SULT1C2: variants seen among roughly 807,000 people sequenced by gnomAD.
The protein encoded by SULT1C2 is sulfotransferase 1C2.
Under a neutral mutation model 36.0 loss-of-function variants are expected in SULT1C2, and 27 were observed. That is an observed-to-expected ratio of 0.75 (90% CI 0.55 to 1.03). The LOEUF is 1.03. SULT1C2 is among the 50% of genes least tolerant of loss of function. The pLI is 0.00. For missense variants in SULT1C2, 395 were observed against 359.2 expected (o/e 1.10, Z -0.80); for synonymous variants, 121 against 116.0 (o/e 1.04, Z -0.27).
rs1677114574 is a variant in SULT1C2, at chr2:108,309,901, T to A, written c.*1437T>A. ...TTTTTATTATGTAAATAAATAAAAG[T>A]TATCTGTATCCCCACTGCATTGTAA... On this transcript the variant is annotated 3_prime_UTR_variant, in exon 8 of 8. Coordinates refer to ENST00000251481, the MANE Select transcript of SULT1C2 (RefSeq NM_001056.4). 3 of 152,226 alleles carry A rather than the reference T, an allele frequency of 2.0e-5. No homozygotes were observed. The highest frequency in any genetic ancestry group is 4.4e-5 in the Non-Finnish European group (3 of 68,042). 9.4% of individuals were successfully genotyped at this position (152,226 alleles called of 1,614,324 possible).
rs1183832737 is a variant in SULT1C2, at chr2:108,309,547, A to G, written c.*1083A>G. On this transcript the variant is annotated 3_prime_UTR_variant, in exon 8 of 8. Coordinates refer to ENST00000251481, the MANE Select transcript of SULT1C2 (RefSeq NM_001056.4). ...TTCCATAGCTGAGGGTAGTAGGAGC[A>G]GTTCACCCTGGGAGCAGACAATAAG... is the stretch of plus-strand genomic sequence containing the variant. 2 of 152,208 alleles carry G rather than the reference A, an allele frequency of 1.3e-5. No homozygotes were observed. The highest frequency in any genetic ancestry group is 3.8e-4 in the East Asian group (2 of 5,196). 9.4% of individuals were successfully genotyped at this position (152,208 alleles called of 1,614,324 possible). A position where few individuals can be genotyped will look rare whatever the true frequency, so the allele number is the denominator to read the frequency against.
intron 3 of SULT1C2, among the ~76,000 whole-genome samples, chr2:108,295,079 T>A (rs1676690370): frequency 6.6e-6 from 1 of 152,194 alleles, no homozygotes; most frequent in African/African-American, 2.4e-5. Flanking sequence ...AGCTCTAGCA[T>A]GAAGTCTAGA....
rs1455921304 is a variant in SULT1C2 at position 108,308,382 on chromosome 2, C to T, written c.809C>T (p.Thr270Ile). The T allele has an allele frequency of 3.1e-6, 5 of 1,613,068 alleles. No homozygotes were observed. The Middle Eastern group carries it at 6.6e-4, about 213-fold the overall frequency. Residue 270 changes from threonine to isoleucine, a missense_variant, in exon 8 of 8, where the codon ACT becomes ATT. By Grantham distance (89) the Thr-to-Ile change is moderately conservative. Transcript: ENST00000251481. ...GTGGGGGATTGGAAAAACCACTTCA[C>T]TGTTGCCCAGAATGAGAGGTTTGAT... ...GTVGDWKNHF[T>I]VAQNERFDEI...
chr2:108,297,300 C>T (rs1295387852), intron 3 of SULT1C2, among the ~76,000 whole-genome samples: 1 of 152,104 alleles, frequency 6.6e-6, no homozygotes, highest in Non-Finnish European at 1.5e-5. Flanking sequence ...GGAGGTGACA[C>T]CTGAAATGAT....
intron 7 of SULT1C2, among the ~76,000 whole-genome samples, chr2:108,307,151 A>G (rs1157680653): frequency 6.6e-6 from 1 of 152,242 alleles, no homozygotes; most frequent in Admixed American, 6.5e-5. Flanking sequence ...AATCTACAAC[A>G]GTATTCCATA....
intron 1 of SULT1C2, among the ~76,000 whole-genome samples, chr2:108,290,672 C>T (rs751057182): frequency 9.2e-5 from 14 of 152,092 alleles, no homozygotes; most frequent in Non-Finnish European, 1.6e-4. Context: ...ATAAAGGGAC[C>T]AAACTCACCC....
intron 4 of SULT1C2, chr2:108,302,102 A>G (rs1676892531): frequency 6.6e-6 from 1 of 152,236 alleles, no homozygotes; most frequent in African/African-American, 2.4e-5. Flanking sequence ...ACTGAGATCA[A>G]AATAAAGTCC....
At position 108,293,811 on chromosome 2, in the gene SULT1C2, T is replaced by C; in HGVS notation, c.144T>C (p.Pro48=). Residue 48 remains proline (P), a synonymous_variant, in exon 2 of 8, where the codon CCT becomes CCC. Coordinates refer to ENST00000251481, the MANE Select transcript of SULT1C2 (RefSeq NM_001056.4). ...KPDDLLICTY[P]KAGTTWIQEI... ...ATGATCTCCTCATCTGCACCTACCC[T>C]AAAGCAGGTGATTGCAGGGTAGGAG... The C allele has an allele frequency of 1.9e-6, 3 of 1,613,724 alleles. No homozygotes were observed. Among genetic ancestry groups the C allele is most frequent in the Non-Finnish European group, 2.5e-6 (3 of 1,179,880 alleles).
chr2:108,290,326 A>G (rs1203789441), intron 1 of SULT1C2, among the ~76,000 whole-genome samples: 1 of 152,182 alleles, frequency 6.6e-6, no homozygotes, highest in Non-Finnish European at 1.5e-5. Context: ...AGATTGGAAT[A>G]GGTCTCATCC....
At position 108,294,385 on chromosome 2, in the gene SULT1C2, GCTTT is replaced by G. The variant is rs762668705; in HGVS notation, c.277+37_277+40del. The G allele has an allele frequency of 2.0e-5, 32 of 1,591,782 alleles. No individual in the cohort carries two copies. In the East Asian group the frequency reaches 7.2e-4, roughly 36 times the overall value. ...AGCACCTCCCTCTTTCTCTCTTCCT[GCTTT>G]CTTTCCCTCTCTCTTCTGTTTTCCC... On this transcript the variant is annotated intron_variant, in intron 3 of 7. Transcript: ENST00000251481.
chr2:108,301,964 G>C (rs1676888922), intron 4 of SULT1C2: 1 of 152,178 alleles, frequency 6.6e-6, no homozygotes, highest in African/African-American at 2.4e-5. Flanking sequence ...AATAATGTTG[G>C]ATAAGGGGAC....
At chr2:108,298,638 T>C in intron 3 of SULT1C2, 1 of 378,142 alleles carries the variant, frequency 2.6e-6, no homozygotes, top group Non-Finnish European at 5.1e-6. Flanking sequence ...TGCCTCAACC[T>C]CCCAAAGTGC....
At chr2:108,289,522 A>T (rs1455419251) in intron 1 of SULT1C2, among the ~76,000 whole-genome samples, 1 of 152,222 alleles carries the variant, frequency 6.6e-6, no homozygotes, top group South Asian at 2.1e-4. Flanking sequence ...TAGGACGTGG[A>T]GTAAGACCTA....
intron 4 of SULT1C2, chr2:108,302,605 C>T (rs192823249): frequency 5.9e-5 from 9 of 152,228 alleles, no homozygotes; most frequent in Admixed American, 5.9e-4. Flanking sequence ...GAACAAGCCA[C>T]CATGAGATGC....
intron 3 of SULT1C2, 107 bp downstream of exon 3, chr2:108,294,461 A>ATCTCTCCTTCCTTTCTCTCTCCCTCCC (rs1553419484): frequency 2.8e-5 from 28 of 1,005,416 alleles, no homozygotes; most frequent in Non-Finnish European, 3.8e-5. Flanking sequence ...TCTCTCCCCC[A>ATCTCTCCTTCCTTTCTCTCTCCCTCCC]TCTCTCCTTC....
In SULT1C2 at chr2:108,308,773, T is replaced by A. The variant is rs143263532; in HGVS notation, c.*309T>A. ...TTATTCTGGAAAGTGCATCCTAGTC[T>A]CCCAGTCTATAACATCATAATACCT... is the stretch of plus-strand genomic sequence containing the variant. On this transcript the variant is annotated 3_prime_UTR_variant, in exon 8 of 8. Coordinates refer to ENST00000251481, the MANE Select transcript of SULT1C2 (RefSeq NM_001056.4). The A allele has an allele frequency of 1.2e-5, 3 of 257,644 alleles. No homozygotes were observed. The East Asian group carries it at 2.5e-4, about 21-fold the overall frequency. 16.0% of individuals were successfully genotyped at this position (257,644 alleles called of 1,614,324 possible).
chr2:108,306,176 A>C (rs926631814), intron 7 of SULT1C2, among the ~76,000 whole-genome samples: 6 of 152,216 alleles, frequency 3.9e-5, no homozygotes, highest in African/African-American at 1.4e-4. Flanking sequence ...AACTACAACT[A>C]CTGTTGAGAA....
chr2:108,304,570 A>G lies in SULT1C2; in HGVS notation c.376-4A>G, dbSNP rs776772438. ...TTTTACCCACCTCTTTTCTTACCCC[A>G]AAGTTCCTTTATGTAGCTCGAAATG... On this transcript the variant is annotated splice_polypyrimidine_tract_variant and splice_region_variant and intron_variant, in intron 4 of 7. Transcript: ENST00000251481. 11 of 1,596,360 alleles carry G rather than the reference A, an allele frequency of 6.9e-6. No homozygotes were observed. The highest frequency in any genetic ancestry group is 1.4e-5 in the African/African-American group (1 of 73,656).
In SULT1C2 at chr2:108,293,827, A is replaced by C; in HGVS notation, c.151+9A>C. 1.2e-6 allele frequency: 2 copies of C among 1,611,856 alleles called. No homozygotes were observed. Among genetic ancestry groups the C allele is most frequent in the Non-Finnish European group, 1.7e-6 (2 of 1,179,072 alleles). On this transcript the variant is annotated intron_variant, in intron 2 of 7. Coordinates refer to ENST00000251481, the MANE Select transcript of SULT1C2 (RefSeq NM_001056.4). The stretch of plus-strand genomic sequence containing the variant: ...CACCTACCCTAAAGCAGGTGATTGC[A>C]GGGTAGGAGGGACAGCAAAGACCTG...
Sources: allele counts gnomAD v4.1 joint callset (sites outside exome capture counted in the v4.1 genomes callset), GRCh38; gene constraint gnomAD v4.1.1; transcripts MANE v1.5; gene names NCBI Gene and HGNC (gene_info 2026-07-23, HGNC 2026-07-21).